Variants in TMEM108 observed in about 807,000 individuals in gnomAD.
TMEM108 encodes cancer/testis antigen 124.
A neutral mutation model predicts 35.1 loss-of-function variants in TMEM108; 12 were observed. That is an observed-to-expected ratio of 0.34 (90% CI 0.22 to 0.55). The LOEUF (loss-of-function observed/expected upper bound fraction) is 0.55, where lower values mean the gene tolerates loss of function less well. Among genes scored for constraint, TMEM108 ranks in the 20% least tolerant of loss-of-function variants. TMEM108 has a pLI of 0.89. For missense variants in TMEM108, 680 were observed against 753.3 expected (o/e 0.90, Z 1.14); for synonymous variants, 287 against 308.6 (o/e 0.93, Z 0.73).
rs950860946 is a variant in TMEM108, at chr3:133,135,137, C to T, written c.-47+89117C>T. ...CTCTCATTGTTACTTTCTTCCATTT[C>T]GAGGTTTTCATCTGCTATCGTTTTT... On this transcript the variant is annotated intron_variant, in intron 2 of 5. Transcript: ENST00000321871. Among the ~76,000 whole-genome samples the T allele has an allele frequency of 2.0e-5, 3 of 150,738 alleles. No individual in the cohort carries two copies. In the Admixed American group the frequency reaches 2.0e-4, roughly 10 times the overall value.
At chr3:133,212,298 T>C (rs1027014709) in intron 2 of TMEM108, among the ~76,000 whole-genome samples, 15 of 152,242 alleles carry the variant, frequency 9.9e-5, no homozygotes, top group Admixed American at 4.6e-4. Flanking sequence ...TTCTGACTTT[T>C]CTTAAAAACT....
chr3:133,343,842 C>A (rs1338781846), intron 3 of TMEM108, among the ~76,000 whole-genome samples: 1 of 151,786 alleles, frequency 6.6e-6, no homozygotes, highest in African/African-American at 2.4e-5. Flanking sequence ...GAAAAAAAAT[C>A]AACTAGATTT....
intron 2 of TMEM108, among the ~76,000 whole-genome samples, chr3:133,196,772 G>A (rs1017823672): frequency 6.6e-6 from 1 of 152,146 alleles, no homozygotes; most frequent in African/African-American, 2.4e-5. Context: ...AGTGACTTTT[G>A]TCCTCTTTGT....
intron 4 of TMEM108, among the ~76,000 whole-genome samples, chr3:133,385,030 T>C (rs1195019920): frequency 6.6e-6 from 1 of 152,194 alleles, no homozygotes; most frequent in Non-Finnish European, 1.5e-5. Context: ...GGAGCATTAG[T>C]GCAGCATTCA....
intron 2 of TMEM108, among the ~76,000 whole-genome samples, chr3:133,135,746 G>A (rs573476199): frequency 6.6e-5 from 10 of 152,234 alleles, no homozygotes; most frequent in South Asian, 4.1e-4. Context: ...ACATTCGTGC[G>A]GTAAAATCTT....
At chr3:133,038,659 C>T (rs1247173562) in intron 1 of TMEM108, among the ~76,000 whole-genome samples, 1 of 152,202 alleles carries the variant, frequency 6.6e-6, no homozygotes, top group Admixed American at 6.5e-5. Context: ...AGGGGAGTTG[C>T]CCACCTGGCA....
intron 2 of TMEM108, among the ~76,000 whole-genome samples, chr3:133,165,022 A>C (rs1183286567): frequency 2.0e-5 from 3 of 152,346 alleles, no homozygotes; most frequent in African/African-American, 7.2e-5. Flanking sequence ...CCTTTGATCC[A>C]AGGAATATAA....
At chr3:133,216,721 A>G (rs1945914494) in intron 2 of TMEM108, among the ~76,000 whole-genome samples, 1 of 152,104 alleles carries the variant, frequency 6.6e-6, no homozygotes, top group African/African-American at 2.4e-5. Flanking sequence ...TATTTCACTT[A>G]CTATCTTCCA....
intron 2 of TMEM108, among the ~76,000 whole-genome samples, chr3:133,212,356 T>C (rs1945844377): frequency 6.6e-6 from 1 of 152,122 alleles, no homozygotes; most frequent in Non-Finnish European, 1.5e-5. Flanking sequence ...AGAAAAACAA[T>C]AGAAAAGATC....
chr3:133,217,459 T>G (rs1478903755), intron 2 of TMEM108, among the ~76,000 whole-genome samples: 2 of 152,104 alleles, frequency 1.3e-5, no homozygotes, highest in Non-Finnish European at 2.9e-5. Context: ...TTTTTGCTTT[T>G]GTTGCTTGTG....
At chr3:133,054,142 C>T (rs1217441334) in intron 2 of TMEM108, among the ~76,000 whole-genome samples, 1 of 152,134 alleles carries the variant, frequency 6.6e-6, no homozygotes, top group Non-Finnish European at 1.5e-5. Context: ...AGTTTAATTA[C>T]CCTGAATTCT....
intron 2 of TMEM108, among the ~76,000 whole-genome samples, chr3:133,183,178 A>G (rs1047884723): frequency 2.6e-5 from 4 of 152,184 alleles, no homozygotes; most frequent in Admixed American, 6.5e-5. Context: ...CAGATTTTCA[A>G]ATTAGGGGTG....
chr3:133,251,487 A>T (rs942104329), intron 3 of TMEM108, among the ~76,000 whole-genome samples: 1 of 152,194 alleles, frequency 6.6e-6, no homozygotes, highest in African/African-American at 2.4e-5. Flanking sequence ...ACTTAACATA[A>T]GAAAAGTTTG....
intron 3 of TMEM108, among the ~76,000 whole-genome samples, chr3:133,286,224 A>C (rs1437717201): frequency 6.6e-6 from 1 of 152,242 alleles, no homozygotes; most frequent in Non-Finnish European, 1.5e-5. Context: ...AAAGTGATAA[A>C]ACTCTCTTCT....
At chr3:133,174,679 A>C (rs141302518) in intron 2 of TMEM108, among the ~76,000 whole-genome samples, 1,588 of 152,296 alleles carry the variant, frequency 0.01, 26 homozygotes, top group African/African-American at 0.036. Context: ...CCATCAGTAC[A>C]TCACCATCAT....
chr3:133,099,970 C>T (rs1944066291), intron 2 of TMEM108, among the ~76,000 whole-genome samples: 1 of 152,172 alleles, frequency 6.6e-6, no homozygotes, highest in Non-Finnish European at 1.5e-5. Flanking sequence ...TCAGCAACAC[C>T]TACTCCTGGT....
rs569387823 is a variant in TMEM108 at position 133,228,694 on chromosome 3, G to A, written c.-46-572G>A. 5.5e-4 allele frequency among the ~76,000 whole-genome samples: 83 copies of A among 152,220 alleles called. 1 individual carries two copies. The highest frequency in any genetic ancestry group is 2.0e-3 in the African/African-American group (81 of 41,536). On this transcript the variant is annotated intron_variant, in intron 2 of 5. Coordinates refer to ENST00000321871, the MANE Select transcript of TMEM108 (RefSeq NM_023943.4). ...TAAAGAGATACACTCTAAAATGTGA[G>A]CAGTAATCACCTCTTATTTGTGGGA...
chr3:133,372,347 C>T (rs571038141), intron 3 of TMEM108, among the ~76,000 whole-genome samples: 4 of 152,248 alleles, frequency 2.6e-5, no homozygotes, highest in Admixed American at 1.3e-4. Flanking sequence ...AGACAAATGA[C>T]TTTAACCATA....
chr3:133,072,685 A>G (rs1943690505), intron 2 of TMEM108, among the ~76,000 whole-genome samples: 1 of 152,160 alleles, frequency 6.6e-6, no homozygotes, highest in Non-Finnish European at 1.5e-5. Context: ...TATAAAATGC[A>G]CCTTTTAAAA....
Sources: gnomAD v4.1 joint callset for allele counts (sites outside exome capture counted in the v4.1 genomes callset) on GRCh38, gnomAD v4.1.1 for gene constraint, MANE v1.5 for transcripts, NCBI Gene and HGNC (gene_info 2026-07-23, HGNC 2026-07-21) for gene names.